Variants in KLHL5 observed in about 807,000 individuals in gnomAD.
KLHL5 encodes the protein kelch like family member 5.
Under a neutral mutation model 77.7 loss-of-function variants are expected in KLHL5, and 48 were observed. The observed-to-expected ratio is 0.62, with a 90% CI of 0.49 to 0.79. KLHL5 has a LOEUF of 0.79. Ranked by LOEUF, KLHL5 falls within the 30% of genes least tolerant of loss-of-function variation. KLHL5 has a pLI of 0.00. For missense variants in KLHL5, 723 were observed against 859.7 expected (o/e 0.84, Z 1.99); for synonymous variants, 260 against 297.0 (o/e 0.88, Z 1.28).
chr4:39,114,062 TAAG>T (rs1024826522), intron 9 of KLHL5, among the ~76,000 whole-genome samples: 5 of 152,142 alleles, frequency 3.3e-5, no homozygotes, highest in African/African-American at 9.7e-5. Flanking sequence ...CAAGTGACCA[TAAG>T]AAGGATAAAA....
intron 5 of KLHL5, among the ~76,000 whole-genome samples, chr4:39,092,115 G>T (rs1295033026): frequency 6.6e-6 from 1 of 152,080 alleles, no homozygotes; most frequent in Non-Finnish European, 1.5e-5. Context: ...TTTACAAAAT[G>T]AAAATTTATT....
chr4:39,130,415 C>T (rs1018043715), downstream of KLHL5, among the ~76,000 whole-genome samples: 6 of 152,196 alleles, frequency 3.9e-5, no homozygotes, highest in African/African-American at 1.4e-4. Context: ...GTTCCTTACC[C>T]TCATTCCCGT....
chr4:39,046,208 T>C (rs1004070119), intron 1 of KLHL5, among the ~76,000 whole-genome samples: 4 of 152,068 alleles, frequency 2.6e-5, no homozygotes, highest in African/African-American at 9.7e-5. Flanking sequence ...TGTAAGAAGA[T>C]GCAATATGTA....
chr4:39,044,830 C>A, upstream of KLHL5: 5 of 442,356 alleles, frequency 1.1e-5, no homozygotes, highest in Non-Finnish European at 1.5e-5. Flanking sequence ...ACGGGCTAAC[C>A]GGTCCCCTAC....
At chr4:39,139,565 T>TG in the KLHL5 span, among the ~76,000 whole-genome samples, 1 of 152,114 alleles carries the variant, frequency 6.6e-6, no homozygotes, top group Non-Finnish European at 1.5e-5. Context: ...TGCATCAATG[T>TG]GGGCCTCAGT....
intron 10 of KLHL5, among the ~76,000 whole-genome samples, chr4:39,118,813 G>C (rs1227799472): frequency 6.6e-6 from 1 of 152,024 alleles, no homozygotes; most frequent in Non-Finnish European, 1.5e-5. Flanking sequence ...TACCCTCCAA[G>C]GCTTGGGAAA....
chr4:39,128,389 T>C (rs778268880), downstream of KLHL5, among the ~76,000 whole-genome samples: 7 of 151,686 alleles, frequency 4.6e-5, no homozygotes, highest in Non-Finnish European at 1.0e-4. Context: ...AGGAGAGGGG[T>C]GGAAAGCCTG....
intron 8 of KLHL5, among the ~76,000 whole-genome samples, chr4:39,108,495 A>C (rs1487148240): frequency 6.6e-6 from 1 of 152,194 alleles, no homozygotes; most frequent in African/African-American, 2.4e-5. Context: ...TGAAAAAAAT[A>C]GTGAAATTTT....
In KLHL5 at chr4:39,125,440, C is replaced by A. The variant is rs896286216; in HGVS notation, c.*4374C>A. Among the ~76,000 whole-genome samples the A allele has an allele frequency of 6.6e-6, 1 of 152,106 alleles. No homozygotes were observed. The highest frequency in any genetic ancestry group is 2.4e-5 in the African/African-American group (1 of 41,394). On this transcript the variant is annotated 3_prime_UTR_variant, in exon 11 of 11. Transcript: ENST00000504108. The stretch of plus-strand genomic sequence containing the variant: ...CAGTAGCCAAAAAAGAGGAAACAAC[C>A]CAAATGGCCATCAGCTGATGAATGA...
chr4:39,141,574 G>A, the KLHL5 span, among the ~76,000 whole-genome samples: 4 of 152,056 alleles, frequency 2.6e-5, no homozygotes, highest in Non-Finnish European at 2.9e-5. Context: ...GCCTCCCAAA[G>A]TGCTGGGATT....
intron 4 of KLHL5, among the ~76,000 whole-genome samples, chr4:39,085,209 T>C (rs1160569323): frequency 6.6e-6 from 1 of 152,190 alleles, no homozygotes; most frequent in Non-Finnish European, 1.5e-5. Flanking sequence ...TCATTTAAAA[T>C]AGACTCATTT....
intron 7 of KLHL5, among the ~76,000 whole-genome samples, chr4:39,104,769 A>T (rs950202524): frequency 1.5e-4 from 22 of 151,686 alleles, no homozygotes; most frequent in Non-Finnish European, 3.1e-4. Flanking sequence ...TAAGAAATAA[A>T]CTTTTTTTTT....
intron 1 of KLHL5, among the ~76,000 whole-genome samples, chr4:39,048,932 G>C (rs750728787): frequency 6.6e-6 from 1 of 151,982 alleles, no homozygotes; most frequent in Non-Finnish European, 1.5e-5. Flanking sequence ...GTGAACCACC[G>C]CGCCTGGTGT....
chr4:39,113,173 AG>A lies in KLHL5; in HGVS notation c.1848del (p.His617ThrfsTer8). On this transcript the variant is annotated frameshift_variant, in exon 9 of 11. Coordinates refer to ENST00000504108, the MANE Select transcript of KLHL5 (RefSeq NM_015990.5). LOFTEE classifies it high-confidence loss of function. The stretch of plus-strand genomic sequence containing the variant: ...CCTGGAATGGACTGCTGTATGCTAT[AG>A]GGGGGCACGATGCTCCCGCATCCAA... Reference protein sequence around the residue: ...TTWNGLLYAIGGHDAPASNLT... With the variant: ...TTWNGLLYAIXGHDAPASNLT... 4 of 1,614,106 alleles carry A rather than the reference AG, an allele frequency of 2.5e-6. No homozygotes were observed. Among genetic ancestry groups the A allele is most frequent in the South Asian group, 1.1e-5 (1 of 91,076 alleles).
At chr4:39,126,561 G>A (rs193109807), downstream of KLHL5, 1,022 of 355,188 alleles carry the variant, frequency 2.9e-3, 5 homozygotes, top group South Asian at 4.0e-3. Context: ...TTGGGCTAAC[G>A]AGGTATAATC....
At position 39,121,457 on chromosome 4, in the gene KLHL5, T is replaced by C. The variant is rs1318603935; in HGVS notation, c.*391T>C. On this transcript the variant is annotated 3_prime_UTR_variant, in exon 11 of 11. Transcript: ENST00000504108. Reference sequence around the variant, plus strand: ...GATGAAACTTTAAAATGTTACTTTTTGTAAGCTTATCATAAATGAGTTGCA... The same window carrying C: ...GATGAAACTTTAAAATGTTACTTTTCGTAAGCTTATCATAAATGAGTTGCA... 1 of 169,524 alleles carries C rather than the reference T, an allele frequency of 5.9e-6. No homozygotes were observed. The highest frequency in any genetic ancestry group is 2.4e-5 in the African/African-American group (1 of 42,028). 10.5% of individuals were successfully genotyped at this position (169,524 alleles called of 1,614,324 possible).
rs1577761759 is a variant in KLHL5, at chr4:39,122,831, A to T, written c.*1765A>T. 1.3e-5 allele frequency among the ~76,000 whole-genome samples: 2 copies of T among 151,968 alleles called. No homozygotes were observed. Among genetic ancestry groups the T allele is most frequent in the South Asian group, 2.1e-4 (1 of 4,818 alleles). ...CCATCAAAAAAAAATAAATAAAAAAAAAATAAAAGATTTCATTTTATGTGA... is the reference window on the plus strand; with the variant it reads ...CCATCAAAAAAAAATAAATAAAAAATAAATAAAAGATTTCATTTTATGTGA... On this transcript the variant is annotated 3_prime_UTR_variant, in exon 11 of 11. Coordinates refer to ENST00000504108, the MANE Select transcript of KLHL5 (RefSeq NM_015990.5).
chr4:39,060,447 C>CACA (rs557044868), upstream of KLHL5, among the ~76,000 whole-genome samples: 875 of 132,832 alleles, frequency 6.6e-3, 3 homozygotes, highest in African/African-American at 0.025. Flanking sequence ...AATCTACCAC[C>CACA]ACCACCACCA....
chr4:39,045,286 A>C (rs1431437096), intron 1 of KLHL5, among the ~76,000 whole-genome samples: 42 of 149,642 alleles, frequency 2.8e-4, no homozygotes, highest in South Asian at 2.1e-4. Flanking sequence ...GGGCCTCCGC[A>C]CACCGCGCCC....
Sources: allele counts gnomAD v4.1 joint callset (sites outside exome capture counted in the v4.1 genomes callset), GRCh38; gene constraint gnomAD v4.1.1; transcripts MANE v1.5; gene names NCBI Gene and HGNC (gene_info 2026-07-23, HGNC 2026-07-21).